The following CADPS2 variants were observed in gnomAD, a reference collection of about 807,000 sequenced individuals.
CADPS2 encodes the protein calcium dependent secretion activator 2.
Under a neutral mutation model 172.5 loss-of-function variants are expected in CADPS2, and 93 were observed. The ratio of observed to expected loss-of-function variants is 0.54; its 90% CI spans 0.46 to 0.64. The LOEUF is 0.64. Among genes scored for constraint, CADPS2 ranks in the 30% least tolerant of loss-of-function variants. The probability of loss-of-function intolerance (pLI) is 0.00; values close to 1 mark genes in which losing one functional copy is unlikely to be tolerated. For synonymous variants in CADPS2, 546 were observed against 555.2 expected (o/e 0.98, Z 0.23); for missense variants, 1,420 against 1,565.9 (o/e 0.91, Z 1.57).
chr7:122,741,366 G>C (rs900519536), intron 1 of CADPS2, among the ~76,000 whole-genome samples: 2 of 152,084 alleles, frequency 1.3e-5, no homozygotes, highest in African/African-American at 4.8e-5. Context: ...AGGTAAAAGA[G>C]ATTTTTCAAC....
chr7:122,716,902 G>T (rs1421341358), intron 2 of CADPS2, among the ~76,000 whole-genome samples: 6 of 151,952 alleles, frequency 3.9e-5, no homozygotes, highest in African/African-American at 9.7e-5. Flanking sequence ...GGAAATAATG[G>T]GGTTTTGTCC....
chr7:122,864,424 A>T (rs1817767295), intron 1 of CADPS2, among the ~76,000 whole-genome samples: 1 of 151,900 alleles, frequency 6.6e-6, no homozygotes, highest in Non-Finnish European at 1.5e-5. Flanking sequence ...AGGCTTCAGT[A>T]AGTCATGAAA....
intron 6 of CADPS2, among the ~76,000 whole-genome samples, chr7:122,588,811 CAT>C (rs1487436881): frequency 1.3e-5 from 2 of 151,874 alleles, no homozygotes; most frequent in African/African-American, 4.8e-5. Context: ...TTCATTGACT[CAT>C]ATTTGGTGAG....
At chr7:122,817,703 G>A (rs151218412) in intron 1 of CADPS2, among the ~76,000 whole-genome samples, 2,254 of 151,852 alleles carry the variant, frequency 0.015, 54 homozygotes, top group African/African-American at 0.051. Flanking sequence ...GCTTTTCTGC[G>A]GGAGGGGCAA....
At chr7:122,394,526 T>A (rs2044797678) in intron 20 of CADPS2, among the ~76,000 whole-genome samples, 1 of 152,150 alleles carries the variant, frequency 6.6e-6, no homozygotes, top group South Asian at 2.1e-4. Context: ...GATTTAAAAA[T>A]ATACTCTGTG....
chr7:122,659,137 T>A (rs2080194760), intron 3 of CADPS2, among the ~76,000 whole-genome samples: 1 of 151,906 alleles, frequency 6.6e-6, no homozygotes, highest in Admixed American at 6.6e-5. Context: ...AAAGCAAGCA[T>A]CTGAACTAGA....
chr7:122,869,743 A>T (rs1819264715), intron 1 of CADPS2, among the ~76,000 whole-genome samples: 1 of 152,126 alleles, frequency 6.6e-6, no homozygotes, highest in Admixed American at 6.5e-5. Context: ...TAAAAGCCAA[A>T]CTATTAAAAG....
intron 28 of CADPS2, chr7:122,331,034 G>A (rs1422850526): frequency 2.0e-5 from 3 of 152,072 alleles, no homozygotes; most frequent in Non-Finnish European, 4.4e-5. Flanking sequence ...TGTGATTCTT[G>A]TAAAAATGAA....
intron 1 of CADPS2, among the ~76,000 whole-genome samples, chr7:122,880,798 C>T (rs749780110): frequency 2.0e-5 from 3 of 152,174 alleles, no homozygotes; most frequent in Non-Finnish European, 4.4e-5. Flanking sequence ...ACACAGTGAA[C>T]ATAAAATGAT....
chr7:122,566,080 C>G (rs1276462694), intron 7 of CADPS2, among the ~76,000 whole-genome samples: 2 of 152,136 alleles, frequency 1.3e-5, no homozygotes, highest in Non-Finnish European at 2.9e-5. Context: ...CACAATGTCT[C>G]CCAGCTTGAT....
At chr7:122,479,184 C>G (rs1232292667) in intron 12 of CADPS2, among the ~76,000 whole-genome samples, 2 of 152,110 alleles carry the variant, frequency 1.3e-5, no homozygotes, top group Non-Finnish European at 2.9e-5. Flanking sequence ...AGACTGCTCT[C>G]TGCAAAACAG....
chr7:122,667,696 T>C (rs1197918924), intron 2 of CADPS2, among the ~76,000 whole-genome samples: 1 of 151,888 alleles, frequency 6.6e-6, no homozygotes, highest in Non-Finnish European at 1.5e-5. Flanking sequence ...TTAACTCTGC[T>C]GGGGGGCCAG....
At chr7:122,879,943 TAAAC>T (rs919111649) in intron 1 of CADPS2, among the ~76,000 whole-genome samples, 2 of 152,158 alleles carry the variant, frequency 1.3e-5, no homozygotes, top group East Asian at 1.9e-4. Flanking sequence ...TAGCAGAACT[TAAAC>T]AAGTCATTTT....
At chr7:122,817,801 C>T (rs1801929495) in intron 1 of CADPS2, among the ~76,000 whole-genome samples, 1 of 151,966 alleles carries the variant, frequency 6.6e-6, no homozygotes, top group South Asian at 2.1e-4. Context: ...TCTCTGCGCC[C>T]CAATCCCTTA....
intron 11 of CADPS2, among the ~76,000 whole-genome samples, chr7:122,482,392 A>C (rs1303517680): frequency 6.6e-6 from 1 of 152,078 alleles, no homozygotes; most frequent in East Asian, 1.9e-4. Context: ...GCTGTAAAAC[A>C]TTACATAACG....
At chr7:122,853,440 T>A (rs967349577) in intron 1 of CADPS2, among the ~76,000 whole-genome samples, 1 of 152,222 alleles carries the variant, frequency 6.6e-6, no homozygotes, top group Non-Finnish European at 1.5e-5. Context: ...TTGTTGGCTC[T>A]GATAACAACT....
chr7:122,536,612 G>A (rs941040114), intron 8 of CADPS2, among the ~76,000 whole-genome samples: 7 of 152,054 alleles, frequency 4.6e-5, no homozygotes, highest in African/African-American at 1.7e-4. Flanking sequence ...ATTTACTGAT[G>A]AGGGTCAGTA....
intron 2 of CADPS2, chr7:122,698,733 A>C (rs1426458318): frequency 1.2e-6 from 2 of 1,613,678 alleles, no homozygotes; most frequent in East Asian, 4.5e-5. Context: ...AGCTTCTTCC[A>C]AAGACTCCAG....
chr7:122,686,626 C>A (rs1164004888), intron 2 of CADPS2, among the ~76,000 whole-genome samples: 1 of 152,180 alleles, frequency 6.6e-6, no homozygotes, highest in East Asian at 1.9e-4. Context: ...TCCCTGGGGA[C>A]AGAAAGTGAA....
Sources: allele counts gnomAD v4.1 joint callset (sites outside exome capture counted in the v4.1 genomes callset), GRCh38; gene constraint gnomAD v4.1.1; transcripts MANE v1.5; gene names NCBI Gene and HGNC (gene_info 2026-07-23, HGNC 2026-07-21).